SDCBP: variants seen among roughly 807,000 people sequenced by gnomAD.
SDCBP encodes syntenin-1.
In SDCBP, 22 loss-of-function variants were observed where a neutral mutation model predicts 30.5. The observed-to-expected ratio is 0.72, with a 90% CI of 0.52 to 1.03. SDCBP has a LOEUF of 1.03. Ranked by LOEUF, SDCBP falls within the 50% of genes least tolerant of loss-of-function variation. SDCBP has a pLI of 0.00. For missense variants in SDCBP, 304 were observed against 369.9 expected, an observed-to-expected ratio of 0.82 and a Z score of 1.46; for synonymous variants, 103 against 118.7, an observed-to-expected ratio of 0.87 and a Z score of 0.86.
intron 1 of SDCBP, among the ~76,000 whole-genome samples, chr8:58,563,731 A>T (rs1804557188): frequency 6.6e-6 from 1 of 152,204 alleles, no homozygotes; most frequent in Non-Finnish European, 1.5e-5. Flanking sequence ...ATACTGTAAG[A>T]GCAGACTTAA....
intron 6 of SDCBP, 176 bp downstream of exon 6, chr8:58,578,384 T>C: frequency 2.1e-6 from 1 of 466,398 alleles, no homozygotes; most frequent in Non-Finnish European, 3.8e-6. Context: ...TTTAAAGCAT[T>C]CTGATACGAT....
In SDCBP at chr8:58,564,981, A is replaced by G. The variant is rs764676961; in HGVS notation, c.-15-38A>G. Reference sequence around the variant, plus strand: ...AGCTGTGTATACTATTTCAATTTCTATGACATTAGAGTAATAAAACTTTCT... The same window carrying G: ...AGCTGTGTATACTATTTCAATTTCTGTGACATTAGAGTAATAAAACTTTCT... On this transcript the variant is annotated intron_variant, in intron 1 of 8. Coordinates refer to ENST00000260130, the MANE Select transcript of SDCBP (RefSeq NM_005625.4). 60 of 1,150,528 alleles carry G rather than the reference A, an allele frequency of 5.2e-5. 1 individual carries two copies. In the East Asian group the frequency reaches 9.3e-4, roughly 18 times the overall value. The allele number at this position is 1,150,528 out of a possible 1,614,324, so 71.3% of individuals were successfully genotyped here. A position where few individuals can be genotyped will look rare whatever the true frequency, so the allele number is the denominator to read the frequency against.
intron 1 of SDCBP, among the ~76,000 whole-genome samples, chr8:58,564,509 GTTGA>G (rs2129607616): frequency 6.6e-6 from 1 of 152,234 alleles, no homozygotes; most frequent in African/African-American, 2.4e-5. Flanking sequence ...TCTGTTAGCA[GTTGA>G]TATAGTTTCT....
In SDCBP at chr8:58,580,558, A is replaced by G. The variant is rs377122890; in HGVS notation, c.792A>G (p.Val264=). The change falls in exon 8 of 9, where the codon GTA becomes GTG. Residue 264 remains valine (V), a synonymous_variant. Coordinates refer to ENST00000260130, the MANE Select transcript of SDCBP (RefSeq NM_005625.4). ...IADILSTSGT[V]VTITIMPAFI... ...ACATACTGTCAACATCTGGGACTGTAGTTACTATTACAATCATGCCTGCTT... is the reference window on the plus strand; with the variant it reads ...ACATACTGTCAACATCTGGGACTGTGGTTACTATTACAATCATGCCTGCTT... 44 of 1,595,684 alleles carry G rather than the reference A, an allele frequency of 2.8e-5. No homozygotes were observed. Among genetic ancestry groups the G allele is most frequent in the Admixed American group, 3.3e-5 (2 of 59,872 alleles).
At chr8:58,557,566 A>C (rs930351012) in intron 1 of SDCBP, among the ~76,000 whole-genome samples, 1 of 150,412 alleles carries the variant, frequency 6.6e-6, no homozygotes, top group African/African-American at 2.5e-5. Context: ...CCACCCACTG[A>C]AAGATCTCTT....
chr8:58,577,359 T>C (rs1805396919), intron 5 of SDCBP, among the ~76,000 whole-genome samples: 1 of 152,272 alleles, frequency 6.6e-6, no homozygotes, highest in African/African-American at 2.4e-5. Context: ...ATTGAGATTT[T>C]ACATAAGTAA....
At chr8:58,572,161 G>T (rs781199080) in intron 3 of SDCBP, 44 bp from the exon 4 acceptor site, 4 of 1,143,906 alleles carry the variant, frequency 3.5e-6, no homozygotes, top group Non-Finnish European at 2.6e-6. Context: ...TTTTCATTTT[G>T]TGTATTCTGT....
intron 1 of SDCBP, among the ~76,000 whole-genome samples, chr8:58,558,241 A>T (rs1332848563): frequency 6.6e-6 from 1 of 152,172 alleles, no homozygotes; most frequent in Non-Finnish European, 1.5e-5. Context: ...TGTTTTGATG[A>T]CATTTGTCAA....
chr8:58,558,973 G>T (rs539952225), intron 1 of SDCBP, among the ~76,000 whole-genome samples: 1 of 152,304 alleles, frequency 6.6e-6, no homozygotes, highest in East Asian at 1.9e-4. Flanking sequence ...ATTGAGGAAT[G>T]CTTTGTGATT....
rs1805756429 is a variant in SDCBP at position 58,582,651 on chromosome 8, T to C, written c.*911T>C. On this transcript the variant is annotated 3_prime_UTR_variant, in exon 9 of 9. Coordinates refer to ENST00000260130, the MANE Select transcript of SDCBP (RefSeq NM_005625.4). ...TTCATTTGTGGATTAAGTGGTATAA[T>C]ACTTAATTTTGGCATTTGACTCTTA... The C allele has an allele frequency of 6.6e-6, 1 of 152,612 alleles. No homozygotes were observed. The highest frequency in any genetic ancestry group is 2.4e-5 in the African/African-American group (1 of 41,448). 9.5% of individuals were successfully genotyped at this position (152,612 alleles called of 1,614,324 possible). A position where few individuals can be genotyped will look rare whatever the true frequency, so the allele number is the denominator to read the frequency against.
Position 58,581,772 on chromosome 8 carries a change from G to A in SDCBP, c.*32G>A, listed in dbSNP as rs763938746. 39 of 1,593,716 alleles carry A rather than the reference G, an allele frequency of 2.4e-5. No homozygotes were observed. Among genetic ancestry groups the A allele is most frequent in the Middle Eastern group, 4.4e-4 (2 of 4,518 alleles). Reference sequence around the variant, plus strand: ...CGGCACCATGGAAATGTAGCTGAACGTCTCCAGTTTCCTTCTTTGGCAACT... The same window carrying A: ...CGGCACCATGGAAATGTAGCTGAACATCTCCAGTTTCCTTCTTTGGCAACT... On this transcript the variant is annotated 3_prime_UTR_variant, in exon 9 of 9. Transcript: ENST00000260130.
At chr8:58,558,799 T>C (rs1804288697) in intron 1 of SDCBP, among the ~76,000 whole-genome samples, 1 of 152,126 alleles carries the variant, frequency 6.6e-6, no homozygotes, top group South Asian at 2.1e-4. Context: ...AGGATTTTGA[T>C]TGGTGGAGAA....
chr8:58,579,329 A>G (rs1246115473), intron 6 of SDCBP, among the ~76,000 whole-genome samples: 1 of 152,244 alleles, frequency 6.6e-6, no homozygotes, highest in East Asian at 1.9e-4. Flanking sequence ...TTAATGCTGT[A>G]AAGTCTAATT....
intron 1 of SDCBP, among the ~76,000 whole-genome samples, chr8:58,558,582 G>T (rs1314596134): frequency 6.6e-6 from 1 of 152,144 alleles, no homozygotes; most frequent in Non-Finnish European, 1.5e-5. Context: ...AGCTACATTT[G>T]ATATCTTTGA....
intron 1 of SDCBP, among the ~76,000 whole-genome samples, chr8:58,557,959 C>T (rs1339751297): frequency 6.6e-6 from 1 of 152,114 alleles, no homozygotes; most frequent in Non-Finnish European, 1.5e-5. Flanking sequence ...TCTTAAACCT[C>T]ATTATTGGTC....
intron 1 of SDCBP, among the ~76,000 whole-genome samples, chr8:58,553,653 T>G (rs550478752): frequency 6.6e-6 from 1 of 152,232 alleles, no homozygotes; most frequent in African/African-American, 2.4e-5. Context: ...CTGGGGTTCT[T>G]CCTGGGACCG....
At chr8:58,573,168 G>A (rs1805127226) in intron 4 of SDCBP, among the ~76,000 whole-genome samples, 1 of 152,044 alleles carries the variant, frequency 6.6e-6, no homozygotes, top group Non-Finnish European at 1.5e-5. Context: ...TTAGACTCCA[G>A]AGTCTAGCTT....
chr8:58,578,855 T>A (rs1259878754), intron 6 of SDCBP, among the ~76,000 whole-genome samples: 1 of 152,234 alleles, frequency 6.6e-6, no homozygotes, highest in Non-Finnish European at 1.5e-5. Context: ...AGTTTAGGTA[T>A]TTCGTAAATG....
intron 5 of SDCBP, 37 bp from the exon 6 acceptor site, chr8:58,577,996 A>T: frequency 6.8e-7 from 1 of 1,474,400 alleles, no homozygotes; most frequent in South Asian, 1.1e-5. Context: ...GTATCATAGT[A>T]GTGGTAAATG....
Sources: allele counts gnomAD v4.1 joint callset (sites outside exome capture counted in the v4.1 genomes callset), GRCh38; gene constraint gnomAD v4.1.1; transcripts MANE v1.5; gene names NCBI Gene and HGNC (gene_info 2026-07-23, HGNC 2026-07-21).